Variants in CARMIL1 observed in about 807,000 individuals in gnomAD.
CARMIL1 encodes capping protein regulator and myosin 1 linker 1.
Under a neutral mutation model 177.1 loss-of-function variants are expected in CARMIL1, and 90 were observed. That is an observed-to-expected ratio of 0.51 (90% CI 0.43 to 0.61). The LOEUF is 0.61. CARMIL1 is among the 20% of genes least tolerant of loss of function. CARMIL1 has a pLI of 0.00. For synonymous variants in CARMIL1, 577 were observed against 606.2 expected (o/e 0.95, Z 0.71); for missense variants, 1,380 against 1,667.0 (o/e 0.83, Z 3.00).
At position 25,515,769 on chromosome 6, in the gene CARMIL1, T is replaced by C; in HGVS notation, c.1727T>C (p.Val576Ala). ...GGAAGCAACACCTCCCTGACCAAAG[T>C]GGACATTAGCGGCAACGGAATGGGG... ...ALGSNTSLTK[V>A]DISGNGMGDM... Residue 576 changes from valine to alanine, a missense_variant, in exon 21 of 37, where the codon GTG (valine) becomes GCG (alanine). Coordinates refer to ENST00000329474, the MANE Select transcript of CARMIL1 (RefSeq NM_017640.6). This position sits in a 1 kb window ranked among gnomAD's most constrained non-coding sequence, Gnocchi z 5.0. 3.7e-6 allele frequency: 6 copies of C among 1,612,130 alleles called. No homozygotes were observed. Among genetic ancestry groups the C allele is most frequent in the Non-Finnish European group, 5.1e-6 (6 of 1,179,258 alleles).
chr6:25,598,459 G>A (rs1261864798), intron 32 of CARMIL1, among the ~76,000 whole-genome samples: 3 of 151,936 alleles, frequency 2.0e-5, no homozygotes, highest in African/African-American at 4.8e-5. Flanking sequence ...GGCTGGTCTC[G>A]AACTCCCAGG....
chr6:25,389,517 A>T (rs1271538251), intron 2 of CARMIL1, among the ~76,000 whole-genome samples: 2 of 152,176 alleles, frequency 1.3e-5, no homozygotes, highest in Non-Finnish European at 2.9e-5. Context: ...TTTTAGGCAG[A>T]TTGGAAGGTG....
At chr6:25,449,017 C>T (rs1226197045) in intron 5 of CARMIL1, among the ~76,000 whole-genome samples, 1 of 150,880 alleles carries the variant, frequency 6.6e-6, no homozygotes, top group Non-Finnish European at 1.5e-5. Flanking sequence ...AAGCAATCCT[C>T]AGCCTCCTGA....
At chr6:25,364,916 A>G (rs943605559) in intron 2 of CARMIL1, among the ~76,000 whole-genome samples, 2 of 152,166 alleles carry the variant, frequency 1.3e-5, no homozygotes, top group African/African-American at 4.8e-5. Context: ...TTAGTGGACC[A>G]GGAAGCGAGG....
chr6:25,359,639 T>C (rs1036068647), intron 2 of CARMIL1, among the ~76,000 whole-genome samples: 4 of 152,260 alleles, frequency 2.6e-5, no homozygotes, highest in East Asian at 1.9e-4. Flanking sequence ...AATTTTTTTT[T>C]CCTGATATTG....
At chr6:25,283,399 A>G (rs2744281) in intron 1 of CARMIL1, among the ~76,000 whole-genome samples, 7,554 of 152,220 alleles carry the variant, frequency 0.05, 585 homozygotes, top group African/African-American at 0.16. Context: ...ATGCCTAGGT[A>G]GTCAGGAGCC....
intron 2 of CARMIL1, among the ~76,000 whole-genome samples, chr6:25,381,075 A>G (rs943512176): frequency 6.6e-6 from 1 of 152,222 alleles, no homozygotes; most frequent in Non-Finnish European, 1.5e-5. Context: ...CAAAATTCCT[A>G]GTCTTGATTC....
chr6:25,553,179 C>T (rs1306536751), intron 27 of CARMIL1, among the ~76,000 whole-genome samples: 1 of 152,038 alleles, frequency 6.6e-6, no homozygotes, highest in African/African-American at 2.4e-5. Context: ...TTAGCTTATG[C>T]GACAATATTG....
intron 2 of CARMIL1, among the ~76,000 whole-genome samples, chr6:25,294,773 G>A (rs911037260): frequency 6.6e-6 from 1 of 152,182 alleles, no homozygotes; most frequent in African/African-American, 2.4e-5. Flanking sequence ...TCACTATTCT[G>A]ATCACCTTGC....
chr6:25,531,886 T>G (rs1360685041), intron 24 of CARMIL1, among the ~76,000 whole-genome samples: 1 of 151,372 alleles, frequency 6.6e-6, no homozygotes, highest in Non-Finnish European at 1.5e-5. Context: ...TTCTTCTGCT[T>G]CAGCTTCCCG....
intron 2 of CARMIL1, among the ~76,000 whole-genome samples, chr6:25,310,583 C>T (rs1783726249): frequency 6.6e-6 from 1 of 152,122 alleles, no homozygotes; most frequent in Admixed American, 6.5e-5. Flanking sequence ...ATTCTATATT[C>T]CGGGTTGCAA....
In CARMIL1 at chr6:25,394,492, C is replaced by A. The variant is rs190951907; in HGVS notation, c.139-25622C>A. Among the ~76,000 whole-genome samples, 9 of 152,206 alleles carry A rather than the reference C, an allele frequency of 5.9e-5. No homozygotes were observed. In the East Asian group the frequency reaches 1.7e-3, roughly 29 times the overall value. On this transcript the variant is annotated intron_variant, in intron 2 of 36. Transcript: ENST00000329474. The stretch of plus-strand genomic sequence containing the variant: ...TTTGCTTGCTTTTAATCTGTAAAAT[C>A]AGTGAAAAAAGAAGTAAGACACCAT...
chr6:25,509,645 T>C lies in CARMIL1; in HGVS notation c.1396-11T>C. ...AAGACTTTACTTTGTGTTTGGTTTG[T>C]GTTTCTCTAGCTGAGATCAGGAGGT... On this transcript the variant is annotated splice_polypyrimidine_tract_variant and intron_variant, in intron 17 of 36. Transcript: ENST00000329474. The surrounding 1 kb of genome is among the most constrained non-coding windows in gnomAD (Gnocchi z 4.1). The C allele has an allele frequency of 1.9e-6, 3 of 1,585,396 alleles. No homozygotes were observed. The highest frequency in any genetic ancestry group is 2.6e-6 in the Non-Finnish European group (3 of 1,161,136).
chr6:25,510,195 C>G (rs1386374934), intron 18 of CARMIL1, among the ~76,000 whole-genome samples: 3 of 152,168 alleles, frequency 2.0e-5, no homozygotes, highest in Non-Finnish European at 2.9e-5. Flanking sequence ...GGAATCTTCT[C>G]TCACAGAGTG....
chr6:25,597,787 A>C (rs1814993411), intron 32 of CARMIL1, among the ~76,000 whole-genome samples: 1 of 152,086 alleles, frequency 6.6e-6, no homozygotes, highest in Non-Finnish European at 1.5e-5. Flanking sequence ...ACCTTCTTGA[A>C]TTGCTTCCTG....
intron 12 of CARMIL1, among the ~76,000 whole-genome samples, chr6:25,488,116 C>A (rs1481202456): frequency 6.6e-6 from 1 of 152,132 alleles, no homozygotes; most frequent in Non-Finnish European, 1.5e-5. Flanking sequence ...AAACACCAGG[C>A]ACTAACTCAA....
intron 2 of CARMIL1, among the ~76,000 whole-genome samples, chr6:25,288,869 G>A (rs2690134): frequency 0.72 from 109,513 of 152,196 alleles, 40,018 homozygotes; most frequent in African/African-American, 0.84. Context: ...TTCTGGGGCA[G>A]GAGTGTTCTA....
chr6:25,396,749 A>G (rs1204893774), intron 2 of CARMIL1, among the ~76,000 whole-genome samples: 2 of 152,140 alleles, frequency 1.3e-5, no homozygotes, highest in Non-Finnish European at 2.9e-5. Flanking sequence ...AGAAAAGTAC[A>G]CTTTTCTACT....
chr6:25,459,278 T>TCTCTTTCTTTC (rs1193571469), intron 8 of CARMIL1, among the ~76,000 whole-genome samples: 3 of 41,988 alleles, frequency 7.1e-5, no homozygotes, highest in African/African-American at 2.1e-4. Context: ...TTTTTTTTTT[T>TCTCTTTCTTTC]TTAAGACAGG....
Sources: gnomAD v4.1 joint callset for allele counts (sites outside exome capture counted in the v4.1 genomes callset) on GRCh38, gnomAD v4.1.1 for gene constraint, Gnocchi (gnomAD v3.1) non-coding constraint, MANE v1.5 for transcripts, NCBI Gene and HGNC (gene_info 2026-07-23, HGNC 2026-07-21) for gene names.